The following SHISA9 variants were observed in gnomAD, a reference collection of about 807,000 sequenced individuals.
The protein encoded by SHISA9 is protein shisa-9.
Under a neutral mutation model 38.0 loss-of-function variants are expected in SHISA9, and 13 were observed. That is an observed-to-expected ratio of 0.34 (90% confidence interval 0.22 to 0.54). SHISA9 has a LOEUF of 0.54. Among genes scored for constraint, SHISA9 ranks in the 20% least tolerant of loss-of-function variants. SHISA9 has a pLI of 0.91. For synonymous variants in SHISA9, 275 were observed against 242.0 expected (o/e 1.14, Z -1.27); for missense variants, 538 against 575.8 (o/e 0.93, Z 0.67).
At chr16:13,213,756 A>G (rs2051142182) in intron 4 of SHISA9, among the ~76,000 whole-genome samples, 1 of 152,322 alleles carries the variant, frequency 6.6e-6, no homozygotes, top group South Asian at 2.1e-4. Flanking sequence ...GCTATTTTCA[A>G]CTTTCCTGGG....
At chr16:13,447,700 G>A in the SHISA9 span, among the ~76,000 whole-genome samples, 1 of 152,182 alleles carries the variant, frequency 6.6e-6, no homozygotes, top group African/African-American at 2.4e-5. Context: ...ACCAAGAATG[G>A]CCAGGCTAAT....
chr16:13,116,870 C>G (rs1247924198), intron 2 of SHISA9, among the ~76,000 whole-genome samples: 1 of 152,206 alleles, frequency 6.6e-6, no homozygotes, highest in East Asian at 1.9e-4. Context: ...ATGCATTACA[C>G]TTATTAATAT....
At chr16:13,335,419 C>G in the SHISA9 span, among the ~76,000 whole-genome samples, 1 of 152,186 alleles carries the variant, frequency 6.6e-6, no homozygotes, top group Non-Finnish European at 1.5e-5. Context: ...CTTTCAATAT[C>G]TATCCCCTAC....
the SHISA9 span, among the ~76,000 whole-genome samples, chr16:13,445,908 A>G: frequency 6.6e-6 from 1 of 152,030 alleles, no homozygotes; most frequent in Non-Finnish European, 1.5e-5. Flanking sequence ...TTTTGCCCTC[A>G]TTTGAGAGTC....
the SHISA9 span, among the ~76,000 whole-genome samples, chr16:13,314,060 T>C: frequency 6.6e-6 from 1 of 152,152 alleles, no homozygotes; most frequent in Non-Finnish European, 1.5e-5. Flanking sequence ...ATGGGTGGGT[T>C]CCCAGCCTCT....
chr16:13,542,258 T>C, the SHISA9 span, among the ~76,000 whole-genome samples: 1 of 152,196 alleles, frequency 6.6e-6, no homozygotes, highest in African/African-American at 2.4e-5. Flanking sequence ...ATCTATTGTC[T>C]TCAACCACTG....
the SHISA9 span, among the ~76,000 whole-genome samples, chr16:13,388,158 G>T: frequency 2.0e-5 from 3 of 152,190 alleles, no homozygotes; most frequent in South Asian, 6.2e-4. Context: ...TATTCATCCT[G>T]TGGATTGAGA....
chr16:13,241,533 AG>A (rs2051435396), downstream of SHISA9, among the ~76,000 whole-genome samples: 1 of 152,134 alleles, frequency 6.6e-6, no homozygotes, highest in Admixed American at 6.5e-5. Flanking sequence ...AAAAATCCCT[AG>A]GCACAGAGAT....
At chr16:13,153,213 A>G (rs2050514602) in intron 2 of SHISA9, among the ~76,000 whole-genome samples, 1 of 152,184 alleles carries the variant, frequency 6.6e-6, no homozygotes, top group Non-Finnish European at 1.5e-5. Context: ...GTTTTAAGCC[A>G]CTAAGTTTGT....
chr16:12,971,563 G>C (rs2072083019), intron 2 of SHISA9, among the ~76,000 whole-genome samples: 1 of 152,196 alleles, frequency 6.6e-6, no homozygotes, highest in South Asian at 2.1e-4. Context: ...TCCTCCCTGT[G>C]CTCTGGGGAT....
At chr16:13,243,769 GTTTTTTTTTTT>G (rs34605909), downstream of SHISA9, among the ~76,000 whole-genome samples, 1 of 89,824 alleles carries the variant, frequency 1.1e-5, no homozygotes, top group African/African-American at 3.9e-5. Context: ...TTACAGCAGC[GTTTTTTTTTTT>G]TTTTTTTTTT....
At chr16:13,102,618 T>C (rs772542989) in intron 2 of SHISA9, among the ~76,000 whole-genome samples, 1 of 152,138 alleles carries the variant, frequency 6.6e-6, no homozygotes, top group Non-Finnish European at 1.5e-5. Context: ...GAACATTTCA[T>C]CCATGATGTC....
chr16:13,548,086 G>A, the SHISA9 span, among the ~76,000 whole-genome samples: 688 of 152,178 alleles, frequency 4.5e-3, 5 homozygotes, highest in African/African-American at 0.016. Context: ...GCCAATTTTT[G>A]ACCAAGGCAC....
chr16:13,364,137 G>C, the SHISA9 span, among the ~76,000 whole-genome samples: 310 of 152,336 alleles, frequency 2.0e-3, 2 homozygotes, highest in African/African-American at 7.2e-3. Flanking sequence ...AAATGTATGT[G>C]TCATCTTTAT....
chr16:13,450,772 TTTG>T, the SHISA9 span, among the ~76,000 whole-genome samples: 58 of 152,064 alleles, frequency 3.8e-4, no homozygotes, highest in East Asian at 1.2e-3. Flanking sequence ...GTGTTGTTGT[TTTG>T]TTGTTGTTGT....
In SHISA9 at chr16:13,218,035, G is replaced by A. The variant is rs150976972; in HGVS notation, c.895+4735G>A. Among the ~76,000 whole-genome samples, 1,373 of 150,896 alleles carry A rather than the reference G, an allele frequency of 9.1e-3. 14 individuals are homozygous for A. Among genetic ancestry groups the A allele is most frequent in the African/African-American group, 0.026 (1,068 of 41,176 alleles). Reference sequence around the variant, plus strand: ...AGAAGGAAGGAAGGAAGGGAGGGAGGGAGGGAGGGAAGGAAGGTAGGAAGG... The same window carrying A: ...AGAAGGAAGGAAGGAAGGGAGGGAGAGAGGGAGGGAAGGAAGGTAGGAAGG... On this transcript the variant is annotated intron_variant, in intron 4 of 4. Coordinates refer to ENST00000558583, the MANE Select transcript of SHISA9 (RefSeq NM_001145204.3).
the SHISA9 span, among the ~76,000 whole-genome samples, chr16:13,276,965 G>A: frequency 6.6e-6 from 1 of 151,994 alleles, no homozygotes; most frequent in African/African-American, 2.4e-5. Flanking sequence ...TTGCTTTTGG[G>A]TTCATGATCA....
the SHISA9 span, among the ~76,000 whole-genome samples, chr16:13,383,438 G>A: frequency 6.6e-6 from 1 of 152,192 alleles, no homozygotes; most frequent in Non-Finnish European, 1.5e-5. Flanking sequence ...ATAGTATTCT[G>A]CCATTTATGG....
chr16:13,103,079 T>C (rs4781411), intron 2 of SHISA9, among the ~76,000 whole-genome samples: 8,334 of 152,280 alleles, frequency 0.055, 372 homozygotes, highest in Admixed American at 0.14. Flanking sequence ...TGAGAGTAGT[T>C]GATTCATTTA....
Sources: allele counts gnomAD v4.1 joint callset (sites outside exome capture counted in the v4.1 genomes callset), GRCh38; gene constraint gnomAD v4.1.1; transcripts MANE v1.5; gene names NCBI Gene and HGNC (gene_info 2026-07-23, HGNC 2026-07-21).